FHOD3: variants seen among roughly 807,000 people sequenced by gnomAD.
The protein encoded by FHOD3 is FH1/FH2 domain-containing protein 3.
Under a neutral mutation model 173.0 loss-of-function variants are expected in FHOD3, and 90 were observed. The observed-to-expected ratio is 0.52, with a 90% CI of 0.44 to 0.62. The LOEUF (loss-of-function observed/expected upper bound fraction) is 0.62, where lower values mean the gene tolerates loss of function less well. Ranked by LOEUF, FHOD3 falls within the 20% of genes least tolerant of loss-of-function variation. The probability of loss-of-function intolerance (pLI) is 0.00; values close to 1 mark genes in which losing one functional copy is unlikely to be tolerated. For missense variants in FHOD3, 1,945 were observed against 2,034.7 expected (o/e 0.96, Z 0.85); for synonymous variants, 828 against 823.0 (o/e 1.01, Z -0.10).
intron 1 of FHOD3, among the ~76,000 whole-genome samples, chr18:36,305,298 A>G (rs1598636932): frequency 1.3e-5 from 2 of 152,368 alleles, no homozygotes. Context: ...TTAGACTCCA[A>G]GGAAAAATGT....
chr18:36,417,778 C>A (rs1006947897), intron 3 of FHOD3, among the ~76,000 whole-genome samples: 1 of 152,196 alleles, frequency 6.6e-6, no homozygotes, highest in Non-Finnish European at 1.5e-5. Flanking sequence ...AGCCAACTTC[C>A]CCTCCCCAGA....
intron 3 of FHOD3, among the ~76,000 whole-genome samples, chr18:36,387,938 G>C (rs984345424): frequency 6.6e-6 from 1 of 152,036 alleles, no homozygotes; most frequent in African/African-American, 2.4e-5. Context: ...GAGGGTAAAG[G>C]GGCCTTAAGG....
chr18:36,696,367 A>G (rs1490241421), intron 17 of FHOD3, among the ~76,000 whole-genome samples: 1 of 152,204 alleles, frequency 6.6e-6, no homozygotes, highest in East Asian at 1.9e-4. Context: ...AGGAAAAACT[A>G]ATATTTGTTA....
chr18:36,395,307 A>C, intron 3 of FHOD3, among the ~76,000 whole-genome samples: 1 of 133,064 alleles, frequency 7.5e-6, no homozygotes, highest in Admixed American at 7.6e-5. Context: ...ATAGAGTGAG[A>C]CTCCGTCTCA....
At chr18:36,705,819 C>CAGGATTATATGG (rs1309674526) in intron 17 of FHOD3, among the ~76,000 whole-genome samples, 2 of 152,156 alleles carry the variant, frequency 1.3e-5, no homozygotes, top group Non-Finnish European at 2.9e-5. Context: ...TCATAGCTCC[C>CAGGATTATATGG]TTTAGGACTT....
intron 20 of FHOD3, among the ~76,000 whole-genome samples, chr18:36,732,288 G>A (rs2041404127): frequency 6.6e-6 from 1 of 152,178 alleles, no homozygotes; most frequent in Admixed American, 6.5e-5. Context: ...AGAACTGTGG[G>A]AGAATGCATT....
At chr18:36,767,177 G>A (rs1018585171) in intron 27 of FHOD3, among the ~76,000 whole-genome samples, 1 of 152,000 alleles carries the variant, frequency 6.6e-6, no homozygotes, top group Non-Finnish European at 1.5e-5. Flanking sequence ...TTATAATGCT[G>A]AAAAAAACTG....
chr18:36,415,411 G>T (rs1472638930), intron 3 of FHOD3, among the ~76,000 whole-genome samples: 1 of 152,196 alleles, frequency 6.6e-6, no homozygotes, highest in African/African-American at 2.4e-5. Flanking sequence ...TGATTAGGCT[G>T]TCAGAGAGCA....
At chr18:36,337,913 C>T (rs1037713640) in intron 1 of FHOD3, among the ~76,000 whole-genome samples, 11 of 152,028 alleles carry the variant, frequency 7.2e-5, no homozygotes, top group Non-Finnish European at 1.5e-4. Context: ...GGGGAGGCAG[C>T]GGATGCTGAC....
intron 10 of FHOD3, among the ~76,000 whole-genome samples, chr18:36,645,831 A>G (rs1189490668): frequency 6.6e-6 from 1 of 152,142 alleles, no homozygotes; most frequent in African/African-American, 2.4e-5. Context: ...GCTCTTTAAC[A>G]GAAAAAAGGA....
At chr18:36,703,061 G>A (rs2039679203) in intron 17 of FHOD3, among the ~76,000 whole-genome samples, 1 of 152,150 alleles carries the variant, frequency 6.6e-6, no homozygotes, top group South Asian at 2.1e-4. Context: ...GTATAGGGAG[G>A]TCATGGGACC....
chr18:36,520,869 A>G (rs2056239236), intron 5 of FHOD3, among the ~76,000 whole-genome samples: 3 of 152,260 alleles, frequency 2.0e-5, no homozygotes, highest in Admixed American at 2.0e-4. Flanking sequence ...CACTTTATTC[A>G]TACCAAAGAT....
Position 36,779,584 on chromosome 18 carries a change from A to T in FHOD3, c.*54A>T. ...TGAGCAGAAGGCAAGCTCTTGCTGG[A>T]TGAAACCCCTCCAGGTGGGGTTGGG... On this transcript the variant is annotated 3_prime_UTR_variant, in exon 29 of 29. Transcript: ENST00000590592. 6.6e-7 allele frequency: 1 copy of T among 1,521,642 alleles called. No individual in the cohort carries two copies. The highest frequency in any genetic ancestry group is 9.1e-7 in the Non-Finnish European group (1 of 1,096,842). The allele number at this position is 1,521,642 out of a possible 1,614,324, so 94.3% of individuals were successfully genotyped here.
chr18:36,746,943 A>G lies in FHOD3; in HGVS notation c.4042-2A>G. On this transcript the variant is annotated splice_acceptor_variant, in intron 23 of 28. Coordinates refer to ENST00000590592, the MANE Select transcript of FHOD3 (RefSeq NM_001281740.3). LOFTEE classifies it high-confidence loss of function. ...TTGCAGTGTTCTCGCTCTGATTTTC[A>G]GGTTGACTTTGATCAACTTCAGGAT... is the stretch of plus-strand genomic sequence containing the variant. The G allele has an allele frequency of 6.2e-7, 1 of 1,603,082 alleles. No individual in the cohort carries two copies. The highest frequency in any genetic ancestry group is 8.5e-7 in the Non-Finnish European group (1 of 1,174,684).
At chr18:36,335,270 C>T (rs1247492610) in intron 1 of FHOD3, among the ~76,000 whole-genome samples, 3 of 151,706 alleles carry the variant, frequency 2.0e-5, no homozygotes, top group Non-Finnish European at 4.4e-5. Flanking sequence ...CCGAGGCGGG[C>T]GGATCACGAG....
chr18:36,419,963 A>G (rs2049902709), intron 3 of FHOD3, among the ~76,000 whole-genome samples: 5 of 152,218 alleles, frequency 3.3e-5, no homozygotes, highest in Non-Finnish European at 7.4e-5. Context: ...CTTGAGGAAG[A>G]TACTGTATTG....
chr18:36,550,618 C>A (rs2057613042), intron 5 of FHOD3, among the ~76,000 whole-genome samples: 1 of 151,998 alleles, frequency 6.6e-6, no homozygotes, highest in Admixed American at 6.6e-5. Context: ...TTTCTCTCAG[C>A]AATGTTTTAT....
At chr18:36,379,295 A>G (rs185345622) in intron 3 of FHOD3, among the ~76,000 whole-genome samples, 1 of 152,342 alleles carries the variant, frequency 6.6e-6, no homozygotes, top group Admixed American at 6.5e-5. Context: ...AACAATGTGA[A>G]TTGAATCACA....
intron 3 of FHOD3, among the ~76,000 whole-genome samples, chr18:36,430,503 C>G (rs2050478423): frequency 6.6e-6 from 1 of 152,212 alleles, no homozygotes. Context: ...AGGCGTGAGC[C>G]ACCGTGCCCA....
Sources: allele counts gnomAD v4.1 joint callset (sites outside exome capture counted in the v4.1 genomes callset), GRCh38; gene constraint gnomAD v4.1.1; transcripts MANE v1.5; gene names NCBI Gene and HGNC (gene_info 2026-07-23, HGNC 2026-07-21).